Variants in SIPA1L1 observed in about 807,000 individuals in gnomAD.
SIPA1L1 encodes signal induced proliferation associated 1 like 1.
Under a neutral mutation model 162.7 loss-of-function variants are expected in SIPA1L1, and 26 were observed. The observed-to-expected ratio is 0.16, with a 90% CI of 0.12 to 0.22. SIPA1L1 has a LOEUF of 0.22. Ranked by LOEUF, SIPA1L1 falls within the 10% of genes least tolerant of loss-of-function variation. SIPA1L1 has a pLI of 1.00. For synonymous variants in SIPA1L1, 829 were observed against 837.4 expected (o/e 0.99, Z 0.17); for missense variants, 1,874 against 2,241.0 (o/e 0.84, Z 3.31).
intron 2 of SIPA1L1, among the ~76,000 whole-genome samples, chr14:71,348,666 T>C (rs1199765237): frequency 6.6e-6 from 1 of 152,240 alleles, no homozygotes. Context: ...TGCAAATTAG[T>C]TTTTAAGCTT....
intron 4 of SIPA1L1, among the ~76,000 whole-genome samples, chr14:71,583,473 G>A (rs1840589431): frequency 6.6e-6 from 1 of 152,114 alleles, no homozygotes; most frequent in African/African-American, 2.4e-5. Flanking sequence ...TATTTTATGA[G>A]GAACGCTACA....
chr14:71,731,037 G>A (rs762173573), intron 20 of SIPA1L1, among the ~76,000 whole-genome samples: 3 of 152,162 alleles, frequency 2.0e-5, no homozygotes, highest in Non-Finnish European at 4.4e-5. Flanking sequence ...CAGTGTTCTT[G>A]ATCATTTGCT....
At chr14:71,557,575 G>T (rs2056453438) in intron 4 of SIPA1L1, among the ~76,000 whole-genome samples, 1 of 152,284 alleles carries the variant, frequency 6.6e-6, no homozygotes, top group Non-Finnish European at 1.5e-5. Context: ...GTTTAATTCT[G>T]TGTTAATCTG....
intron 2 of SIPA1L1, among the ~76,000 whole-genome samples, chr14:71,385,510 T>C (rs1444529054): frequency 6.6e-6 from 1 of 152,196 alleles, no homozygotes; most frequent in Non-Finnish European, 1.5e-5. Flanking sequence ...ATCCAATAGA[T>C]GTATGCTGTG....
At chr14:71,559,437 T>G (rs1323415695) in intron 4 of SIPA1L1, among the ~76,000 whole-genome samples, 1 of 152,152 alleles carries the variant, frequency 6.6e-6, no homozygotes, top group Non-Finnish European at 1.5e-5. Flanking sequence ...AATAGGTACT[T>G]TTTATAGATT....
At chr14:71,368,527 A>T (rs1473497271) in intron 2 of SIPA1L1, among the ~76,000 whole-genome samples, 11 of 113,344 alleles carry the variant, frequency 9.7e-5, no homozygotes, top group African/African-American at 3.9e-4. Flanking sequence ...TCCATGGTGT[A>T]TATGTGCCAC....
intron 14 of SIPA1L1, among the ~76,000 whole-genome samples, chr14:71,701,531 A>G (rs1210153122): frequency 1.3e-5 from 2 of 151,760 alleles, no homozygotes; most frequent in South Asian, 4.2e-4. Flanking sequence ...TTGGTCTTTT[A>G]TTATATGGAT....
At chr14:71,470,871 T>C (rs2047396814) in intron 2 of SIPA1L1, among the ~76,000 whole-genome samples, 1 of 152,182 alleles carries the variant, frequency 6.6e-6, no homozygotes, top group Admixed American at 6.5e-5. Context: ...GGAATCTTGC[T>C]CTGTTGCCCA....
chr14:71,613,234 T>G (rs2038428932), intron 5 of SIPA1L1, among the ~76,000 whole-genome samples: 1 of 152,190 alleles, frequency 6.6e-6, no homozygotes, highest in African/African-American at 2.4e-5. Flanking sequence ...AATGGCTAAG[T>G]AAATGAGCTG....
intron 16 of SIPA1L1, among the ~76,000 whole-genome samples, chr14:71,707,707 ATGGACACT>A (rs1171762120): frequency 1.3e-5 from 2 of 152,048 alleles, no homozygotes; most frequent in African/African-American, 4.8e-5. Flanking sequence ...ATATTAGTTG[ATGGACACT>A]TGGATTTTTT....
At chr14:71,359,421 A>G (rs1038256917) in intron 2 of SIPA1L1, among the ~76,000 whole-genome samples, 2 of 152,150 alleles carry the variant, frequency 1.3e-5, no homozygotes, top group African/African-American at 2.4e-5. Flanking sequence ...AATACACCTT[A>G]TATGTACATC....
At chr14:71,359,043 C>T (rs2037545142) in intron 2 of SIPA1L1, among the ~76,000 whole-genome samples, 2 of 152,148 alleles carry the variant, frequency 1.3e-5, no homozygotes, top group South Asian at 4.1e-4. Context: ...TGTATCCCCT[C>T]TGACCTTATG....
intron 17 of SIPA1L1, among the ~76,000 whole-genome samples, chr14:71,719,733 T>A (rs2083547467): frequency 2.6e-5 from 4 of 152,208 alleles, no homozygotes. Flanking sequence ...CCTCAGGTGA[T>A]CTGCCTGCCT....
rs71105788 is a variant in SIPA1L1 at position 71,627,131 on chromosome 14, C to CTTTTTTT, written c.1818+2932_1818+2938dup. Among the ~76,000 whole-genome samples the CTTTTTTT allele has an allele frequency of 1.7e-3, 85 of 48,784 alleles. 7 individuals carry two copies. The highest frequency in any genetic ancestry group is 0.02 in the Middle Eastern group (1 of 50). 32.0% of individuals were successfully genotyped at this position (48,784 alleles called of 152,430 possible). A position where few individuals can be genotyped will look rare whatever the true frequency, so the allele number is the denominator to read the frequency against. On this transcript the variant is annotated intron_variant, in intron 7 of 23. Coordinates refer to ENST00000381232, the MANE Select transcript of SIPA1L1 (RefSeq NM_001386936.1). ...TGATGCCTTTCTGGGACTTTCACTA[C>CTTTTTTT]TTTTTTTTTTTTTTTTTTTTTTTTT...
chr14:71,629,179 C>T (rs1203839786), intron 7 of SIPA1L1, among the ~76,000 whole-genome samples: 10 of 152,160 alleles, frequency 6.6e-5, no homozygotes, highest in East Asian at 5.8e-4. Context: ...CCTCGTGGTC[C>T]GCCTGCCTCA....
chr14:71,404,780 T>TTTCATTTTGGTTTCAGTTAAACCAAAG (rs1330708291), intron 2 of SIPA1L1, among the ~76,000 whole-genome samples: 7 of 152,236 alleles, frequency 4.6e-5, no homozygotes, highest in Non-Finnish European at 1.0e-4. Flanking sequence ...TAGGAAAGAA[T>TTTCATTTTGGTTTCAGTTAAACCAAAG]TTCATTTTAC....
At chr14:71,676,598 T>C (rs1349027572) in intron 12 of SIPA1L1, among the ~76,000 whole-genome samples, 2 of 149,304 alleles carry the variant, frequency 1.3e-5, no homozygotes, top group Non-Finnish European at 3.0e-5. Flanking sequence ...TTACATTAGG[T>C]ATATCTCCTA....
intron 2 of SIPA1L1, among the ~76,000 whole-genome samples, chr14:71,407,449 C>T (rs1433065025): frequency 6.8e-6 from 1 of 146,986 alleles, no homozygotes; most frequent in East Asian, 2.0e-4. Flanking sequence ...CCCTCCCTTT[C>T]TTCTCTCCCT....
chr14:71,487,243 T>G (rs1282191987), intron 2 of SIPA1L1, among the ~76,000 whole-genome samples: 1 of 152,176 alleles, frequency 6.6e-6, no homozygotes, highest in Non-Finnish European at 1.5e-5. Context: ...TCTGACTGGT[T>G]TAGTGGCTCA....
Sources: allele counts gnomAD v4.1 joint callset (sites outside exome capture counted in the v4.1 genomes callset), GRCh38; gene constraint gnomAD v4.1.1; transcripts MANE v1.5; gene names NCBI Gene and HGNC (gene_info 2026-07-23, HGNC 2026-07-21).